Variants in UBE3A observed in about 807,000 individuals in gnomAD.
The protein encoded by UBE3A is ubiquitin-protein ligase E3A.
A neutral mutation model predicts 83.4 loss-of-function variants in UBE3A; 6 were observed. That is an observed-to-expected ratio of 0.07 (90% CI 0.04 to 0.14). The LOEUF is 0.14. Ranked by LOEUF, UBE3A falls within the 10% of genes least tolerant of loss-of-function variation. The pLI, the probability that UBE3A is intolerant of heterozygous loss-of-function variation, is 1.00. For missense variants in UBE3A, 456 were observed against 1,036.1 expected, an observed-to-expected ratio of 0.44 and a Z score of 7.69; for synonymous variants, 337 against 355.4, an observed-to-expected ratio of 0.95 and a Z score of 0.58.
At chr15:25,383,968 AC>A (rs2082640314) in intron 4 of UBE3A, among the ~76,000 whole-genome samples, 1 of 152,190 alleles carries the variant, frequency 6.6e-6, no homozygotes, top group South Asian at 2.1e-4. Context: ...AAGAAAAAAA[AC>A]CGTTAGAATA....
At chr15:25,357,923 T>C (rs1248692278) in intron 7 of UBE3A, among the ~76,000 whole-genome samples, 3 of 134,166 alleles carry the variant, frequency 2.2e-5, no homozygotes, top group East Asian at 2.0e-4. Context: ...TTTTTTTTTT[T>C]TGAGACGGTC....
At chr15:25,434,076 A>G (rs181410848) in intron 1 of UBE3A, among the ~76,000 whole-genome samples, 37 of 152,188 alleles carry the variant, frequency 2.4e-4, no homozygotes, top group Admixed American at 2.0e-3. Flanking sequence ...CAAATAAACA[A>G]TAAGTAAAAT....
At chr15:25,398,771 TTATATATATATATATATATATATATATA>T (rs1159969391) in intron 4 of UBE3A, among the ~76,000 whole-genome samples, 1 of 68,936 alleles carries the variant, frequency 1.5e-5, no homozygotes, top group Non-Finnish European at 3.2e-5. Flanking sequence ...ATTCTTTTAT[TTATATATATATATATATATATATATATA>T]TATATATATA....
At chr15:25,372,395 C>A (rs1238505027) in intron 5 of UBE3A, among the ~76,000 whole-genome samples, 1 of 152,128 alleles carries the variant, frequency 6.6e-6, no homozygotes, top group Non-Finnish European at 1.5e-5. Context: ...CATTTCTCAT[C>A]GGCTCTTAAG....
chr15:25,365,953 C>T (rs991900380), intron 6 of UBE3A, among the ~76,000 whole-genome samples: 12 of 152,122 alleles, frequency 7.9e-5, no homozygotes, highest in Non-Finnish European at 7.3e-5. Context: ...TCACGTTCGT[C>T]CATGAGACCT....
intron 4 of UBE3A, among the ~76,000 whole-genome samples, chr15:25,397,439 C>T (rs1457388973): frequency 6.6e-6 from 1 of 152,128 alleles, no homozygotes; most frequent in East Asian, 1.9e-4. Flanking sequence ...ACTCATCCTC[C>T]TAACCTCTTC....
intron 4 of UBE3A, among the ~76,000 whole-genome samples, chr15:25,388,710 AAAAAAG>A (rs1037099449): frequency 9.2e-5 from 14 of 151,718 alleles, no homozygotes; most frequent in African/African-American, 2.9e-4. Flanking sequence ...CAGGAATTGA[AAAAAAG>A]AAAAAGAAAA....
intron 5 of UBE3A, chr15:25,374,813 T>TA (rs1410737097): frequency 6.5e-6 from 1 of 152,842 alleles, no homozygotes; most frequent in Non-Finnish European, 1.5e-5. Context: ...ATTACTTTGT[T>TA]ACTAATTACC....
chr15:25,352,418 G>A (rs898671810), intron 11 of UBE3A, among the ~76,000 whole-genome samples: 3 of 152,150 alleles, frequency 2.0e-5, no homozygotes, highest in Non-Finnish European at 4.4e-5. Flanking sequence ...GCAGTAAAGT[G>A]AGTCACACAA....
chr15:25,405,161 A>G lies in UBE3A; in HGVS notation c.62+300T>C, dbSNP rs1229441886. ...TGCCTTAAATATGGTAGGCGTTGAG[A>G]CTGTTAAACTCAACTCTTTCCTCAA... On this transcript the variant is annotated intron_variant, in intron 4 of 12. Coordinates refer to ENST00000648336, the MANE Select transcript of UBE3A (RefSeq NM_130839.5). Among the ~76,000 whole-genome samples, 4 of 143,440 alleles carry G rather than the reference A, an allele frequency of 2.8e-5. No homozygotes were observed. The South Asian group carries it at 8.6e-4, about 31-fold the overall frequency. The allele number at this position is 143,440 out of a possible 152,430, so 94.1% of individuals were successfully genotyped here.
Position 25,424,065 on chromosome 15 carries a change from A to ATT in UBE3A, c.-164-12095_-164-12094insAA, listed in dbSNP as rs112268700. Among the ~76,000 whole-genome samples the ATT allele has an allele frequency of 2.1e-3, 320 of 152,280 alleles. 3 individuals are homozygous for ATT. Among genetic ancestry groups the ATT allele is most frequent in the African/African-American group, 7.3e-3 (303 of 41,558 alleles). On this transcript the variant is annotated intron_variant, in intron 1 of 12. Coordinates refer to ENST00000648336, the MANE Select transcript of UBE3A (RefSeq NM_130839.5). ...AGCAACCAGAGTGACCTTGCTAAAC[A>ATT]TAAGTCATACTTTTTCACTACTCTG...
intron 6 of UBE3A, among the ~76,000 whole-genome samples, chr15:25,367,288 AAATT>A (rs1053216052): frequency 2.3e-5 from 3 of 132,206 alleles, no homozygotes; most frequent in African/African-American, 5.5e-5. Flanking sequence ...TATTTAAATT[AAATT>A]AATTTACATA....
chr15:25,412,401 C>A (rs1276667986), intron 1 of UBE3A, among the ~76,000 whole-genome samples: 1 of 152,154 alleles, frequency 6.6e-6, no homozygotes, highest in Non-Finnish European at 1.5e-5. Flanking sequence ...AGAGTAGCAG[C>A]CTTGGGCCGA....
intron 4 of UBE3A, among the ~76,000 whole-genome samples, chr15:25,399,248 C>T (rs143270113): frequency 1.1e-3 from 163 of 151,928 alleles, no homozygotes; most frequent in African/African-American, 3.8e-3. Context: ...GCCTGTGCTT[C>T]GAGGGGGTCA....
chr15:25,416,608 C>CTA (rs1344028785), intron 1 of UBE3A, among the ~76,000 whole-genome samples: 5 of 147,168 alleles, frequency 3.4e-5, no homozygotes, highest in African/African-American at 1.3e-4. Context: ...GTGCAACAAG[C>CTA]TATACACTTA....
intron 1 of UBE3A, among the ~76,000 whole-genome samples, chr15:25,437,721 G>A (rs575647628): frequency 6.6e-6 from 1 of 152,240 alleles, no homozygotes; most frequent in South Asian, 2.1e-4. Context: ...AGCTTCACCA[G>A]TGTCTGTATT....
chr15:25,426,868 G>T (rs573255460), intron 1 of UBE3A, among the ~76,000 whole-genome samples: 1 of 151,872 alleles, frequency 6.6e-6, no homozygotes, highest in Admixed American at 6.6e-5. Flanking sequence ...ACCGCGGCTG[G>T]AGTGCAGTGG....
intron 3 of UBE3A, chr15:25,407,361 G>T: frequency 1.3e-6 from 1 of 776,112 alleles, no homozygotes; most frequent in Non-Finnish European, 1.6e-6. Flanking sequence ...ATGAGGACAT[G>T]ATGATAGGAA....
chr15:25,339,923 A>C, intron 12 of UBE3A, 162 bp downstream of exon 12: 1 of 967,692 alleles, frequency 1.0e-6, no homozygotes, highest in Admixed American at 2.5e-5. Flanking sequence ...AAGTTTCCTC[A>C]CACAATGACA....
Sources: allele counts gnomAD v4.1 joint callset (sites outside exome capture counted in the v4.1 genomes callset), GRCh38; gene constraint gnomAD v4.1.1; transcripts MANE v1.5; gene names NCBI Gene and HGNC (gene_info 2026-07-23, HGNC 2026-07-21).